The following NRXN3 variants were observed in gnomAD, a reference collection of about 807,000 sequenced individuals.
NRXN3 encodes the protein neurexin 3, also known as neurexin III.
A neutral mutation model predicts 137.6 loss-of-function variants in NRXN3; 32 were observed. That is an observed-to-expected ratio of 0.23 (90% CI 0.18 to 0.31). NRXN3 has a LOEUF of 0.31. Ranked by LOEUF, NRXN3 falls within the 10% of genes least tolerant of loss-of-function variation. The pLI, the probability that NRXN3 is intolerant of heterozygous loss-of-function variation, is 1.00. For missense variants in NRXN3, 1,574 were observed against 2,062.5 expected, an observed-to-expected ratio of 0.76 and a Z score of 4.59; for synonymous variants, 798 against 784.5, an observed-to-expected ratio of 1.02 and a Z score of -0.29.
chr14:79,101,937 A>G (rs1338722417), intron 15 of NRXN3, among the ~76,000 whole-genome samples: 1 of 152,130 alleles, frequency 6.6e-6, no homozygotes, highest in Non-Finnish European at 1.5e-5. Context: ...GGACACACAC[A>G]GGGAAAAATG....
At chr14:79,137,809 T>A (rs1404626742) in intron 15 of NRXN3, among the ~76,000 whole-genome samples, 1 of 152,230 alleles carries the variant, frequency 6.6e-6, no homozygotes, top group Non-Finnish European at 1.5e-5. Context: ...GGCATATGTT[T>A]TTTTCTCTGA....
chr14:78,919,900 C>T (rs773046323), intron 10 of NRXN3, among the ~76,000 whole-genome samples: 17 of 152,220 alleles, frequency 1.1e-4, no homozygotes, highest in Non-Finnish European at 2.1e-4. Flanking sequence ...GTGCTAAGCA[C>T]GTCACAGTCA....
chr14:79,649,993 G>C (rs1474667136), intron 16 of NRXN3, among the ~76,000 whole-genome samples: 1 of 152,156 alleles, frequency 6.6e-6, no homozygotes, highest in African/African-American at 2.4e-5. Flanking sequence ...CCTTCTTGCT[G>C]TATCTTTACA....
intron 15 of NRXN3, among the ~76,000 whole-genome samples, chr14:79,130,309 G>T (rs1426861805): frequency 6.6e-6 from 1 of 151,992 alleles, no homozygotes. Context: ...TTTTGCAGCG[G>T]CTGGTATCAG....
At chr14:79,606,294 C>A (rs908379050) in intron 16 of NRXN3, among the ~76,000 whole-genome samples, 12 of 152,012 alleles carry the variant, frequency 7.9e-5, no homozygotes, top group African/African-American at 2.9e-4. Flanking sequence ...AGCAGATAAA[C>A]CGTGGTTCTT....
chr14:79,681,115 A>G (rs1420396071), intron 17 of NRXN3, among the ~76,000 whole-genome samples: 1 of 152,114 alleles, frequency 6.6e-6, no homozygotes, highest in East Asian at 1.9e-4. Context: ...TTTCCTTAGA[A>G]AGAGGAACAG....
At chr14:78,597,742 T>C (rs1166728129) in intron 4 of NRXN3, among the ~76,000 whole-genome samples, 2 of 152,228 alleles carry the variant, frequency 1.3e-5, no homozygotes, top group African/African-American at 4.8e-5. Context: ...CTTCGTCATT[T>C]CTCACCTACC....
At chr14:79,362,305 C>G (rs891083103) in intron 15 of NRXN3, among the ~76,000 whole-genome samples, 1 of 151,668 alleles carries the variant, frequency 6.6e-6, no homozygotes, top group East Asian at 1.9e-4. Context: ...CCCTCTCCCC[C>G]CACCCCACCA....
intron 4 of NRXN3, among the ~76,000 whole-genome samples, chr14:78,316,706 G>A (rs1447589442): frequency 6.6e-6 from 1 of 152,106 alleles, no homozygotes; most frequent in African/African-American, 2.4e-5. Context: ...CAACTCAACT[G>A]CCTTAAACAA....
chr14:79,424,828 T>A (rs1945197960), intron 15 of NRXN3, among the ~76,000 whole-genome samples: 1 of 152,198 alleles, frequency 6.6e-6, no homozygotes, highest in Non-Finnish European at 1.5e-5. Flanking sequence ...ACTTTGCTTT[T>A]GGAAAGAATG....
chr14:79,207,854 T>C (rs2067019117), intron 15 of NRXN3, among the ~76,000 whole-genome samples: 1 of 152,086 alleles, frequency 6.6e-6, no homozygotes, highest in Non-Finnish European at 1.5e-5. Context: ...GTCTAAAGTT[T>C]TTATGGTATA....
chr14:78,666,253 CT>C (rs1442780308), intron 6 of NRXN3, among the ~76,000 whole-genome samples: 1 of 152,168 alleles, frequency 6.6e-6, no homozygotes, highest in East Asian at 1.9e-4. Flanking sequence ...TTTGTTTCTT[CT>C]TCTCAGAGTT....
intron 2 of NRXN3, among the ~76,000 whole-genome samples, chr14:78,258,969 A>G (rs1382515290): frequency 6.6e-6 from 1 of 152,066 alleles, no homozygotes; most frequent in Admixed American, 6.5e-5. Flanking sequence ...CGTTTCTACT[A>G]AAAACACAAA....
intron 8 of NRXN3, among the ~76,000 whole-genome samples, chr14:78,769,205 G>T (rs2098719018): frequency 6.6e-6 from 1 of 152,206 alleles, no homozygotes; most frequent in Non-Finnish European, 1.5e-5. Flanking sequence ...AAAGGATTTT[G>T]AAGCTCTTGT....
chr14:79,798,451 G>A (rs1264307999), intron 19 of NRXN3, among the ~76,000 whole-genome samples: 1 of 152,186 alleles, frequency 6.6e-6, no homozygotes, highest in Non-Finnish European at 1.5e-5. Context: ...ATTCTTTTTA[G>A]CGTGGAGCAG....
At chr14:79,431,841 G>C (rs578188575) in intron 15 of NRXN3, among the ~76,000 whole-genome samples, 1 of 151,874 alleles carries the variant, frequency 6.6e-6, no homozygotes, top group South Asian at 2.1e-4. Flanking sequence ...AAATTATGTT[G>C]ACTCTTCATC....
chr14:79,228,171 G>A (rs1336921279), intron 15 of NRXN3, among the ~76,000 whole-genome samples: 1 of 152,062 alleles, frequency 6.6e-6, no homozygotes, highest in African/African-American at 2.4e-5. Flanking sequence ...CTAGACCTCT[G>A]ACAGTTCTTG....
At chr14:78,351,775 T>C (rs542722151) in intron 4 of NRXN3, among the ~76,000 whole-genome samples, 273 of 138,042 alleles carry the variant, frequency 2.0e-3, no homozygotes, top group Non-Finnish European at 3.6e-3. Context: ...AACTTTTTGG[T>C]ATTTTTCTTT....
At chr14:78,924,252 C>A (rs991341865) in intron 10 of NRXN3, among the ~76,000 whole-genome samples, 1 of 151,856 alleles carries the variant, frequency 6.6e-6, no homozygotes, top group Admixed American at 6.6e-5. Context: ...AACAAACAAA[C>A]AAAAAAACTT....
Sources: gnomAD v4.1 joint callset for allele counts (sites outside exome capture counted in the v4.1 genomes callset) on GRCh38, gnomAD v4.1.1 for gene constraint, MANE v1.5 for transcripts, NCBI Gene and HGNC (gene_info 2026-07-23, HGNC 2026-07-21) for gene names.